EYS: variants seen among roughly 807,000 people sequenced by gnomAD.
EYS encodes EGF-like photoreceptor maintenance factor.
In EYS, 250 loss-of-function variants were observed where a neutral mutation model predicts 282.1. That is an observed-to-expected ratio of 0.89 (90% CI 0.80 to 0.98). The LOEUF (loss-of-function observed/expected upper bound fraction) is 0.98. Ranked by LOEUF, EYS falls within the 50% of genes least tolerant of loss-of-function variation. The pLI, the probability that EYS is intolerant of heterozygous loss-of-function variation, is 0.00. For missense variants in EYS, 4,016 were observed against 3,709.0 expected (o/e 1.08, Z -2.15); for synonymous variants, 1,355 against 1,282.9 (o/e 1.06, Z -1.20).
chr6:64,611,045 C>A (rs539254342), intron 24 of EYS, among the ~76,000 whole-genome samples: 1 of 152,142 alleles, frequency 6.6e-6, no homozygotes, highest in African/African-American at 2.4e-5. Flanking sequence ...AATTTTGTTT[C>A]TTCCCCCATG....
At chr6:65,642,371 G>C (rs763165106) in intron 1 of EYS, among the ~76,000 whole-genome samples, 2 of 152,106 alleles carry the variant, frequency 1.3e-5, no homozygotes, top group Non-Finnish European at 2.9e-5. Context: ...TTAGAGGACT[G>C]AGATGAAGGA....
chr6:64,183,530 C>T (rs1764847600), intron 31 of EYS, among the ~76,000 whole-genome samples: 1 of 151,984 alleles, frequency 6.6e-6, no homozygotes, highest in African/African-American at 2.4e-5. Context: ...CAATACTGTT[C>T]AATAAATATT....
chr6:65,613,483 G>T (rs548933315), intron 2 of EYS, among the ~76,000 whole-genome samples: 17 of 151,930 alleles, frequency 1.1e-4, no homozygotes, highest in African/African-American at 4.1e-4. Flanking sequence ...CACTGGGTAA[G>T]ATCATTTTTA....
intron 1 of EYS, among the ~76,000 whole-genome samples, chr6:65,674,209 G>A (rs59107941): frequency 6.6e-6 from 1 of 151,288 alleles, no homozygotes; most frequent in Non-Finnish European, 1.5e-5. Context: ...GAGTTAAAGA[G>A]GTAAAACTCT....
At chr6:65,236,674 C>A (rs1478902660) in intron 12 of EYS, among the ~76,000 whole-genome samples, 3 of 152,012 alleles carry the variant, frequency 2.0e-5, no homozygotes, top group Non-Finnish European at 4.4e-5. Context: ...CAAATATATG[C>A]TTATAACACC....
chr6:65,302,767 C>A, intron 11 of EYS: 1 of 1,613,864 alleles, frequency 6.2e-7, no homozygotes, highest in Non-Finnish European at 8.5e-7. Flanking sequence ...ACTGCGCTTT[C>A]CATCACAATA....
intron 28 of EYS, among the ~76,000 whole-genome samples, chr6:64,418,017 C>G (rs552373689): frequency 6.6e-6 from 1 of 152,282 alleles, no homozygotes; most frequent in South Asian, 2.1e-4. Flanking sequence ...ATTTATAACA[C>G]AACAATGTTT....
chr6:64,576,646 G>C (rs1222214947), intron 26 of EYS, among the ~76,000 whole-genome samples: 1 of 151,826 alleles, frequency 6.6e-6, no homozygotes, highest in Non-Finnish European at 1.5e-5. Flanking sequence ...CAAAAATCTT[G>C]TATTTCTTTT....
chr6:64,045,383 GTTTATTTTAT>G (rs548483513), intron 33 of EYS, among the ~76,000 whole-genome samples: 13,040 of 137,398 alleles, frequency 0.095, 683 homozygotes, highest in South Asian at 0.15. Context: ...GGTGAAACAA[GTTTATTTTAT>G]TTTATTTTAT....
At chr6:63,854,684 A>T (rs1289155120) in intron 36 of EYS, among the ~76,000 whole-genome samples, 1 of 152,234 alleles carries the variant, frequency 6.6e-6, no homozygotes, top group African/African-American at 2.4e-5. Context: ...TTGAAATTAT[A>T]TAATAAATTA....
At chr6:64,363,745 CTAACTA>C (rs749650530) in intron 29 of EYS, among the ~76,000 whole-genome samples, 62 of 152,018 alleles carry the variant, frequency 4.1e-4, no homozygotes, top group Non-Finnish European at 8.2e-4. Flanking sequence ...ATGTCTTGAA[CTAACTA>C]TAACTTATTA....
At chr6:65,053,514 T>C (rs1034404059) in intron 13 of EYS, among the ~76,000 whole-genome samples, 1 of 151,810 alleles carries the variant, frequency 6.6e-6, no homozygotes, top group Admixed American at 6.6e-5. Flanking sequence ...AAAATATATG[T>C]TCATGCAAAT....
chr6:64,047,049 A>T (rs1582196737), intron 33 of EYS, among the ~76,000 whole-genome samples: 1 of 151,858 alleles, frequency 6.6e-6, no homozygotes, highest in East Asian at 1.9e-4. Flanking sequence ...AGGATATTTC[A>T]CCTAATGACT....
intron 2 of EYS, among the ~76,000 whole-genome samples, chr6:65,518,781 A>G (rs1767235928): frequency 6.6e-6 from 1 of 152,132 alleles, no homozygotes; most frequent in African/African-American, 2.4e-5. Flanking sequence ...AGGCCTCACA[A>G]TCATGGCAGA....
chr6:65,369,825 C>A (rs1242621306), intron 8 of EYS, among the ~76,000 whole-genome samples: 1 of 151,610 alleles, frequency 6.6e-6, no homozygotes, highest in East Asian at 1.9e-4. Flanking sequence ...ACCTAAGGGG[C>A]AAAATCACAC....
At chr6:65,585,505 GAAT>G (rs1482534972) in intron 2 of EYS, among the ~76,000 whole-genome samples, 1 of 151,600 alleles carries the variant, frequency 6.6e-6, no homozygotes, top group Non-Finnish European at 1.5e-5. Flanking sequence ...AAAATAAACT[GAAT>G]TATTATTCAT....
intron 22 of EYS, among the ~76,000 whole-genome samples, chr6:64,790,331 C>A (rs115903545): frequency 0.016 from 2,479 of 151,828 alleles, 76 homozygotes; most frequent in African/African-American, 0.057. Flanking sequence ...CATACACCCC[C>A]TGAACCTAAA....
At chr6:64,539,905 T>G (rs1562049400) in intron 26 of EYS, among the ~76,000 whole-genome samples, 1 of 152,190 alleles carries the variant, frequency 6.6e-6, no homozygotes. Context: ...TAAGAATGTC[T>G]TTGGCCTTGG....
intron 31 of EYS, among the ~76,000 whole-genome samples, chr6:64,229,805 C>T (rs1213515529): frequency 6.6e-6 from 1 of 152,068 alleles, no homozygotes; most frequent in Non-Finnish European, 1.5e-5. Flanking sequence ...CATTTTAGCG[C>T]TTAAATGGGA....
Sources: allele counts gnomAD v4.1 joint callset (sites outside exome capture counted in the v4.1 genomes callset), GRCh38; gene constraint gnomAD v4.1.1; transcripts MANE v1.5; gene names NCBI Gene and HGNC (gene_info 2026-07-23, HGNC 2026-07-21).